RASAL2: variants seen among roughly 807,000 people sequenced by gnomAD.
RASAL2 encodes the protein RAS protein activator like 2.
RASAL2 carries 58 observed loss-of-function variants against 128.9 expected under a neutral mutation model. The ratio of observed to expected loss-of-function variants is 0.45; its 90% CI spans 0.36 to 0.56. The LOEUF (loss-of-function observed/expected upper bound fraction) is 0.56. Among genes scored for constraint, RASAL2 ranks in the 20% least tolerant of loss-of-function variants. The pLI, the probability that RASAL2 is intolerant of heterozygous loss-of-function variation, is 0.00. For synonymous variants in RASAL2, 561 were observed against 580.8 expected (o/e 0.97, Z 0.49); for missense variants, 1,360 against 1,601.6 (o/e 0.85, Z 2.57).
At chr1:178,385,489 A>G (rs193017404) in intron 3 of RASAL2, among the ~76,000 whole-genome samples, 206 of 152,274 alleles carry the variant, frequency 1.4e-3, no homozygotes, top group African/African-American at 4.8e-3. Flanking sequence ...TGGACTTTCA[A>G]TACGATTTGT....
intron 11 of RASAL2, among the ~76,000 whole-genome samples, chr1:178,453,510 A>C (rs1240935948): frequency 2.0e-5 from 3 of 152,092 alleles, no homozygotes. Flanking sequence ...TATTCTTTCA[A>C]CTTTTCTGTA....
intron 1 of RASAL2, among the ~76,000 whole-genome samples, chr1:178,156,378 C>T: frequency 6.6e-6 from 1 of 152,036 alleles, no homozygotes; most frequent in Non-Finnish European, 1.5e-5. Flanking sequence ...CTCATTATAT[C>T]AGGTAGTTTT....
intron 3 of RASAL2, among the ~76,000 whole-genome samples, chr1:178,345,394 T>C (rs1670098189): frequency 6.6e-6 from 1 of 152,122 alleles, no homozygotes; most frequent in Non-Finnish European, 1.5e-5. Context: ...CAGGATCAAG[T>C]GTTGCCTAGG....
intron 9 of RASAL2, among the ~76,000 whole-genome samples, chr1:178,446,527 T>C (rs1677010845): frequency 6.6e-6 from 1 of 152,230 alleles, no homozygotes; most frequent in South Asian, 2.1e-4. Flanking sequence ...ATAAAAGTTA[T>C]TAATTAGGTG....
At chr1:178,348,886 G>A (rs1359275409) in intron 3 of RASAL2, among the ~76,000 whole-genome samples, 9 of 149,854 alleles carry the variant, frequency 6.0e-5, no homozygotes, top group Non-Finnish European at 1.2e-4. Context: ...TGCAAGCTCC[G>A]CCTCCTGGGT....
intron 3 of RASAL2, among the ~76,000 whole-genome samples, chr1:178,331,071 C>T (rs1669280892): frequency 6.6e-6 from 1 of 152,198 alleles, no homozygotes; most frequent in Non-Finnish European, 1.5e-5. Flanking sequence ...TAGTAAATGG[C>T]ATAGCTGGAA....
At chr1:178,357,447 ATCTATT>A (rs1670870650) in intron 3 of RASAL2, among the ~76,000 whole-genome samples, 1 of 151,096 alleles carries the variant, frequency 6.6e-6, no homozygotes, top group Non-Finnish European at 1.5e-5. Flanking sequence ...TACTCTACTG[ATCTATT>A]TCTATATCAA....
intron 3 of RASAL2, among the ~76,000 whole-genome samples, chr1:178,387,932 A>G (rs901176569): frequency 4.6e-5 from 7 of 152,220 alleles, no homozygotes; most frequent in African/African-American, 7.2e-5. Context: ...CTAAAATTGG[A>G]TGTATGGAAG....
At chr1:178,372,363 TG>T (rs1305797772) in intron 3 of RASAL2, 2 of 985,048 alleles carry the variant, frequency 2.0e-6, no homozygotes, top group Admixed American at 1.2e-4. Flanking sequence ...CTTTATTGTC[TG>T]AACTTTTCTT....
chr1:178,425,068 C>T (rs1476457248), intron 5 of RASAL2, among the ~76,000 whole-genome samples: 2 of 152,054 alleles, frequency 1.3e-5, no homozygotes, highest in African/African-American at 2.4e-5. Context: ...GAAATGGTAT[C>T]GGTGAAGATA....
intron 1 of RASAL2, among the ~76,000 whole-genome samples, chr1:178,116,812 G>A (rs1222846316): frequency 2.6e-5 from 4 of 151,912 alleles, no homozygotes; most frequent in Non-Finnish European, 4.4e-5. Context: ...GGGTTTCACC[G>A]TGTTAGCCAG....
intron 3 of RASAL2, among the ~76,000 whole-genome samples, chr1:178,379,200 T>G (rs1008742068): frequency 6.6e-6 from 1 of 152,108 alleles, no homozygotes; most frequent in Admixed American, 6.6e-5. Context: ...AAACTGTAAT[T>G]AGGCCTGTGA....
intron 3 of RASAL2, among the ~76,000 whole-genome samples, chr1:178,385,624 G>A (rs189321018): frequency 4.5e-4 from 68 of 151,984 alleles, no homozygotes; most frequent in South Asian, 8.3e-4. Flanking sequence ...TGGAAGAAAG[G>A]GGTTCTTTAA....
intron 4 of RASAL2, among the ~76,000 whole-genome samples, chr1:178,391,562 C>T (rs1672906640): frequency 6.6e-6 from 1 of 152,138 alleles, no homozygotes; most frequent in South Asian, 2.1e-4. Context: ...GTGTGATTTA[C>T]ATCACTTAAA....
intron 3 of RASAL2, among the ~76,000 whole-genome samples, chr1:178,383,071 TG>T (rs1252288226): frequency 6.6e-6 from 1 of 152,154 alleles, no homozygotes; most frequent in East Asian, 1.9e-4. Flanking sequence ...TTTTCTATTA[TG>T]TTAACAAGAA....
At chr1:178,439,057 A>C (rs1676454903) in intron 5 of RASAL2, among the ~76,000 whole-genome samples, 1 of 152,110 alleles carries the variant, frequency 6.6e-6, no homozygotes, top group Non-Finnish European at 1.5e-5. Flanking sequence ...ATACCTTTGC[A>C]TAAGAAAGAA....
chr1:178,278,449 C>T (rs1449057965), intron 1 of RASAL2, among the ~76,000 whole-genome samples: 1 of 152,092 alleles, frequency 6.6e-6, no homozygotes, highest in Non-Finnish European at 1.5e-5. Flanking sequence ...GAGGCCCCAC[C>T]CTAGCTGCCT....
At chr1:178,322,910 A>G (rs12060443) in intron 3 of RASAL2, among the ~76,000 whole-genome samples, 6,203 of 152,202 alleles carry the variant, frequency 0.041, 404 homozygotes, top group African/African-American at 0.14. Flanking sequence ...TTCTGGCCAC[A>G]TAGGACTGCT....
At position 178,267,487 on chromosome 1, in the gene RASAL2, T is replaced by C. The variant is rs1666017259; in HGVS notation, c.203-16077T>C. 2.0e-5 allele frequency among the ~76,000 whole-genome samples: 3 copies of C among 152,036 alleles called. No individual in the cohort carries two copies. In the South Asian group the frequency reaches 6.2e-4, roughly 31 times the overall value. On this transcript the variant is annotated intron_variant, in intron 1 of 17. Transcript: ENST00000367649. ...ATTATTTTTCCTTCCTTTTTTTTTTTTTGAAGTTTGTAATTGCCCTTTTTT... is the reference window on the plus strand; with the variant it reads ...ATTATTTTTCCTTCCTTTTTTTTTTCTTGAAGTTTGTAATTGCCCTTTTTT...
Sources: gnomAD v4.1 joint callset for allele counts (sites outside exome capture counted in the v4.1 genomes callset) on GRCh38, gnomAD v4.1.1 for gene constraint, MANE v1.5 for transcripts, NCBI Gene and HGNC (gene_info 2026-07-23, HGNC 2026-07-21) for gene names.